Variants in LCLAT1 observed in about 807,000 individuals in gnomAD.
LCLAT1 encodes the protein 1-AGP acyltransferase 8.
Under a neutral mutation model 30.7 loss-of-function variants are expected in LCLAT1, and 11 were observed. That is an observed-to-expected ratio of 0.36 (90% confidence interval 0.23 to 0.59). The LOEUF (loss-of-function observed/expected upper bound fraction) is 0.59. Among genes scored for constraint, LCLAT1 ranks in the 20% least tolerant of loss-of-function variants. The probability of loss-of-function intolerance (pLI) is 0.77; values close to 1 mark genes in which losing one functional copy is unlikely to be tolerated. For missense variants in LCLAT1, 402 were observed against 458.6 expected (o/e 0.88, Z 1.13); for synonymous variants, 155 against 151.3 (o/e 1.02, Z -0.18).
At chr2:30,472,510 T>C (rs1297568775) in intron 1 of LCLAT1, among the ~76,000 whole-genome samples, 1 of 152,236 alleles carries the variant, frequency 6.6e-6, no homozygotes, top group Non-Finnish European at 1.5e-5. Context: ...TAATGTTGCA[T>C]CAGAAGTTGC....
intron 1 of LCLAT1, among the ~76,000 whole-genome samples, chr2:30,466,754 C>G (rs916186210): frequency 6.6e-6 from 1 of 152,042 alleles, no homozygotes; most frequent in Non-Finnish European, 1.5e-5. Flanking sequence ...AAGCTCCCCA[C>G]CCCCTGGTAA....
At chr2:30,593,462 A>G (rs1026130966) in intron 5 of LCLAT1, among the ~76,000 whole-genome samples, 1 of 152,170 alleles carries the variant, frequency 6.6e-6, no homozygotes, top group Admixed American at 6.5e-5. Flanking sequence ...GCTTTGCAGC[A>G]TAATTTGAAA....
intron 4 of LCLAT1, among the ~76,000 whole-genome samples, chr2:30,562,796 C>T (rs1286166969): frequency 6.6e-6 from 1 of 152,160 alleles, no homozygotes; most frequent in African/African-American, 2.4e-5. Flanking sequence ...CTCTTATCCT[C>T]TTCTAAGGTA....
At chr2:30,596,280 G>A (rs1666927331) in intron 5 of LCLAT1, among the ~76,000 whole-genome samples, 1 of 151,934 alleles carries the variant, frequency 6.6e-6, no homozygotes, top group Admixed American at 6.6e-5. Flanking sequence ...CATTCCTCTC[G>A]CTCCACAGCC....
chr2:30,513,187 T>C (rs561344292), intron 1 of LCLAT1, among the ~76,000 whole-genome samples: 1 of 152,038 alleles, frequency 6.6e-6, no homozygotes, highest in Admixed American at 6.6e-5. Flanking sequence ...ACAAAAGATG[T>C]GTTAGGGTTT....
chr2:30,602,825 C>T (rs979317948), intron 5 of LCLAT1, among the ~76,000 whole-genome samples: 1 of 152,096 alleles, frequency 6.6e-6, no homozygotes, highest in Non-Finnish European at 1.5e-5. Flanking sequence ...ATTAGCTCAG[C>T]CCTGGCTTCC....
intron 1 of LCLAT1, among the ~76,000 whole-genome samples, chr2:30,497,141 C>T (rs775754777): frequency 2.6e-5 from 4 of 152,368 alleles, no homozygotes; most frequent in Non-Finnish European, 5.9e-5. Context: ...TGTATACCCT[C>T]TAGACTCAGC....
chr2:30,523,975 C>T (rs1375679778), intron 1 of LCLAT1, among the ~76,000 whole-genome samples: 2 of 152,136 alleles, frequency 1.3e-5, no homozygotes, highest in African/African-American at 4.8e-5. Flanking sequence ...AGCACCATGA[C>T]GTTTGAAAAT....
chr2:30,457,188 A>C (rs974430467), intron 1 of LCLAT1, among the ~76,000 whole-genome samples: 1 of 152,218 alleles, frequency 6.6e-6, no homozygotes. Flanking sequence ...TGGTAGAGAA[A>C]AATTTATCTT....
chr2:30,562,394 G>A (rs972000787), intron 4 of LCLAT1, 102 bp downstream of exon 4: 1 of 909,486 alleles, frequency 1.1e-6, no homozygotes, highest in Non-Finnish European at 1.6e-6. Flanking sequence ...GGCTCTTCCA[G>A]GTGTGGTGGT....
intron 1 of LCLAT1, among the ~76,000 whole-genome samples, chr2:30,458,889 A>C (rs1448453377): frequency 6.6e-6 from 1 of 152,196 alleles, no homozygotes; most frequent in Non-Finnish European, 1.5e-5. Flanking sequence ...TAAGAAGCTT[A>C]CCTATATACC....
At chr2:30,510,360 G>A (rs1392813110) in intron 1 of LCLAT1, among the ~76,000 whole-genome samples, 3 of 152,140 alleles carry the variant, frequency 2.0e-5, no homozygotes, top group Non-Finnish European at 4.4e-5. Context: ...CTACAGGGAC[G>A]GGTTGGAAAT....
intron 1 of LCLAT1, among the ~76,000 whole-genome samples, chr2:30,513,505 A>G (rs773605259): frequency 2.0e-5 from 3 of 152,148 alleles, no homozygotes; most frequent in Non-Finnish European, 4.4e-5. Context: ...ATGAGTTTGC[A>G]TTTGCTTAAA....
intron 3 of LCLAT1, among the ~76,000 whole-genome samples, chr2:30,558,057 A>G (rs1280006112): frequency 6.6e-6 from 1 of 152,214 alleles, no homozygotes; most frequent in Non-Finnish European, 1.5e-5. Flanking sequence ...AGAAGAACAC[A>G]TGGAATAACA....
chr2:30,616,622 A>G (rs777609468), intron 5 of LCLAT1, among the ~76,000 whole-genome samples: 79 of 152,170 alleles, frequency 5.2e-4, no homozygotes, highest in Non-Finnish European at 1.0e-3. Context: ...GCAAGAAAAC[A>G]TGGTAGTTAT....
intron 5 of LCLAT1, among the ~76,000 whole-genome samples, chr2:30,587,347 G>A (rs1005734073): frequency 6.6e-6 from 1 of 152,108 alleles, no homozygotes; most frequent in Non-Finnish European, 1.5e-5. Context: ...TGTTGAGACT[G>A]CGGGACGCAA....
chr2:30,623,763 A>G (rs1256370102), intron 5 of LCLAT1, among the ~76,000 whole-genome samples: 1 of 152,208 alleles, frequency 6.6e-6, no homozygotes, highest in Non-Finnish European at 1.5e-5. Flanking sequence ...CTCAAAGAAC[A>G]CTTGGGAAAT....
intron 5 of LCLAT1, among the ~76,000 whole-genome samples, chr2:30,569,677 A>G (rs1375338605): frequency 2.0e-5 from 3 of 152,274 alleles, no homozygotes; most frequent in African/African-American, 7.2e-5. Flanking sequence ...GATAAAAAGT[A>G]TAACCTGCCA....
chr2:30,603,572 A>G (rs1422336719), intron 5 of LCLAT1, among the ~76,000 whole-genome samples: 2 of 152,202 alleles, frequency 1.3e-5, no homozygotes, highest in Admixed American at 6.6e-5. Context: ...CAAACATTCA[A>G]GATCTCCTTT....
Sources: allele counts gnomAD v4.1 joint callset (sites outside exome capture counted in the v4.1 genomes callset), GRCh38; gene constraint gnomAD v4.1.1; transcripts MANE v1.5; gene names NCBI Gene and HGNC (gene_info 2026-07-23, HGNC 2026-07-21).